CEP128: variants seen among roughly 807,000 people sequenced by gnomAD.
The protein encoded by CEP128 is centrosomal protein 128, also known as centrosomal protein 128kDa.
In CEP128, 132 loss-of-function variants were observed where a neutral mutation model predicts 156.7. That is an observed-to-expected ratio of 0.84 (90% confidence interval 0.73 to 0.97). The LOEUF (loss-of-function observed/expected upper bound fraction) is 0.97, where lower values mean the gene tolerates loss of function less well. Ranked by LOEUF, CEP128 falls within the 50% of genes least tolerant of loss-of-function variation. The probability of loss-of-function intolerance (pLI) is 0.00; values close to 1 mark genes in which losing one functional copy is unlikely to be tolerated. For missense variants in CEP128, 1,252 were observed against 1,281.9 expected, an observed-to-expected ratio of 0.98 and a Z score of 0.36; for synonymous variants, 469 against 448.9, an observed-to-expected ratio of 1.04 and a Z score of -0.57.
intron 4 of CEP128, among the ~76,000 whole-genome samples, chr14:80,907,384 C>A (rs1218380504): frequency 3.3e-5 from 5 of 152,024 alleles, no homozygotes; most frequent in Non-Finnish European, 7.4e-5. Flanking sequence ...GATGCAGCAT[C>A]GGCGGTTGCT....
chr14:80,823,709 C>T lies in CEP128; in HGVS notation c.1209+7434G>A, dbSNP rs566269706. 3.3e-4 allele frequency among the ~76,000 whole-genome samples: 51 copies of T among 152,334 alleles called. 1 individual carries two copies. The South Asian group carries it at 0.011, about 32-fold the overall frequency. ...CTCCCACCGCCCTGCACAGCTTCCA[C>T]CCCTGTGGCTTTGCAGGGTAGAGCT... On this transcript the variant is annotated intron_variant, in intron 13 of 24. Coordinates refer to ENST00000555265, the MANE Select transcript of CEP128 (RefSeq NM_152446.5).
At chr14:80,513,507 C>G (rs769402727) in intron 23 of CEP128, among the ~76,000 whole-genome samples, 2 of 151,926 alleles carry the variant, frequency 1.3e-5, no homozygotes, top group African/African-American at 4.8e-5. Context: ...TTATATCTTT[C>G]GGTAGTTTTG....
chr14:80,789,653 C>G (rs1328585955), intron 14 of CEP128, among the ~76,000 whole-genome samples: 2 of 151,968 alleles, frequency 1.3e-5, no homozygotes, highest in East Asian at 1.9e-4. Context: ...ACCAGGCAAA[C>G]CAAGCTTCCA....
chr14:80,801,674 C>T (rs1269760502), intron 13 of CEP128, among the ~76,000 whole-genome samples: 2 of 151,764 alleles, frequency 1.3e-5, no homozygotes, highest in African/African-American at 2.4e-5. Flanking sequence ...TTTAGGAGGT[C>T]GAGGCAGGCA....
At chr14:80,611,013 G>T (rs527830271) in intron 19 of CEP128, among the ~76,000 whole-genome samples, 1 of 152,072 alleles carries the variant, frequency 6.6e-6, no homozygotes, top group South Asian at 2.1e-4. Context: ...AGTTATGCCT[G>T]GAAGGATACA....
chr14:80,771,675 A>C (rs1595374943), intron 16 of CEP128, among the ~76,000 whole-genome samples: 1 of 152,228 alleles, frequency 6.6e-6, no homozygotes, highest in African/African-American at 2.4e-5. Context: ...GTCTTAAACT[A>C]TCTCTTAATT....
At chr14:80,596,850 G>GGC (rs1555379487) in intron 19 of CEP128, among the ~76,000 whole-genome samples, 2 of 123,200 alleles carry the variant, frequency 1.6e-5, no homozygotes, top group Non-Finnish European at 3.3e-5. Context: ...AAAGGTGGGG[G>GGC]GGGGAGGAAA....
intron 19 of CEP128, among the ~76,000 whole-genome samples, chr14:80,704,269 CAGAGT>C (rs1897164535): frequency 6.6e-6 from 1 of 151,966 alleles, no homozygotes. Flanking sequence ...ACAAAAACCA[CAGAGT>C]AAACACTCTA....
chr14:80,732,086 A>G (rs1436366158), intron 19 of CEP128, among the ~76,000 whole-genome samples: 2 of 152,140 alleles, frequency 1.3e-5, no homozygotes, highest in African/African-American at 2.4e-5. Flanking sequence ...GCCCCCATAC[A>G]CAAACATCCA....
At chr14:80,719,227 C>A (rs1897723415) in intron 19 of CEP128, among the ~76,000 whole-genome samples, 1 of 152,178 alleles carries the variant, frequency 6.6e-6, no homozygotes, top group Non-Finnish European at 1.5e-5. Flanking sequence ...AATAACCTGC[C>A]CCTTAATTTG....
chr14:80,710,769 A>G (rs903955755), intron 19 of CEP128, among the ~76,000 whole-genome samples: 3 of 152,114 alleles, frequency 2.0e-5, no homozygotes, highest in African/African-American at 4.8e-5. Context: ...TGAACAGAAT[A>G]AAAAAATCAA....
At chr14:80,517,226 A>G (rs1888530354) in intron 23 of CEP128, among the ~76,000 whole-genome samples, 1 of 151,296 alleles carries the variant, frequency 6.6e-6, no homozygotes, top group Non-Finnish European at 1.5e-5. Flanking sequence ...TTTAAATTTC[A>G]TTGATCTTAA....
At chr14:80,517,899 G>A (rs145359763) in intron 23 of CEP128, among the ~76,000 whole-genome samples, 151 of 152,110 alleles carry the variant, frequency 9.9e-4, no homozygotes, top group Admixed American at 2.7e-3. Flanking sequence ...GGCAATGGGC[G>A]CCTCGCTGGA....
Position 80,669,730 on chromosome 14 carries a change from T to G in CEP128, c.2806+73345A>C, listed in dbSNP as rs1045331665. Among the ~76,000 whole-genome samples the G allele has an allele frequency of 2.0e-5, 3 of 152,074 alleles. No individual in the cohort carries two copies. In the South Asian group the frequency reaches 6.2e-4, roughly 32 times the overall value. ...GGAATGTAATGTAGTACAATCTCTATGAAAAACGGTATGGAGATTTCTAAA... is the reference window on the plus strand; with the variant it reads ...GGAATGTAATGTAGTACAATCTCTAGGAAAAACGGTATGGAGATTTCTAAA... On this transcript the variant is annotated intron_variant, in intron 19 of 24. Coordinates refer to ENST00000555265, the MANE Select transcript of CEP128 (RefSeq NM_152446.5).
At chr14:80,944,353 C>T (rs79176708), upstream of CEP128, among the ~76,000 whole-genome samples, 804 of 152,196 alleles carry the variant, frequency 5.3e-3, 3 homozygotes, top group African/African-American at 0.017. Flanking sequence ...GCAGTTCCCC[C>T]ACGCTGTTCT....
chr14:80,559,232 G>A (rs1213443522), intron 21 of CEP128, 47 bp downstream of exon 21: 1 of 1,521,658 alleles, frequency 6.6e-7, no homozygotes, highest in African/African-American at 1.4e-5. Flanking sequence ...CACATCAGGA[G>A]ACAGCAGTAA....
chr14:80,579,513 G>A (rs971620635), intron 20 of CEP128, among the ~76,000 whole-genome samples: 7 of 152,112 alleles, frequency 4.6e-5, no homozygotes, highest in Admixed American at 2.6e-4. Flanking sequence ...CCCAATCACA[G>A]AACACTTCTC....
chr14:80,744,722 C>A (rs189759385), intron 18 of CEP128, among the ~76,000 whole-genome samples: 26 of 152,264 alleles, frequency 1.7e-4, no homozygotes, highest in African/African-American at 6.3e-4. Flanking sequence ...TGATAGCATA[C>A]TGGATGGGCA....
intron 20 of CEP128, among the ~76,000 whole-genome samples, chr14:80,567,623 T>C (rs958057505): frequency 5.3e-5 from 8 of 152,168 alleles, no homozygotes; most frequent in Admixed American, 3.9e-4. Context: ...GGTACATAGG[T>C]GTGTGCTACA....
Sources: gnomAD v4.1 joint callset for allele counts (sites outside exome capture counted in the v4.1 genomes callset) on GRCh38, gnomAD v4.1.1 for gene constraint, MANE v1.5 for transcripts, NCBI Gene and HGNC (gene_info 2026-07-23, HGNC 2026-07-21) for gene names.